TRIP11: variants seen among roughly 807,000 people sequenced by gnomAD.
TRIP11 encodes the protein thyroid receptor-interacting protein 11.
A neutral mutation model predicts 223.1 loss-of-function variants in TRIP11; 148 were observed. The ratio of observed to expected loss-of-function variants is 0.66; its 90% CI spans 0.58 to 0.76. The LOEUF is 0.76. Among genes scored for constraint, TRIP11 ranks in the 30% least tolerant of loss-of-function variants. The pLI, the probability that TRIP11 is intolerant of heterozygous loss-of-function variation, is 0.00. For synonymous variants in TRIP11, 762 were observed against 772.6 expected (o/e 0.99, Z 0.23); for missense variants, 2,043 against 2,222.0 (o/e 0.92, Z 1.62).
At chr14:91,993,301 A>AC (rs2056703358) in intron 15 of TRIP11, among the ~76,000 whole-genome samples, 2 of 151,944 alleles carry the variant, frequency 1.3e-5, no homozygotes, top group South Asian at 4.2e-4. Context: ...ACATGGTGAA[A>AC]CCCCATCTCT....
chr14:92,017,147 C>T (rs1224525953), intron 5 of TRIP11, among the ~76,000 whole-genome samples: 5 of 151,742 alleles, frequency 3.3e-5, no homozygotes, highest in Non-Finnish European at 5.9e-5. Flanking sequence ...TAGAGACTTA[C>T]GAAAGATAAG....
At position 92,014,438 on chromosome 14, in the gene TRIP11, T is replaced by C. The variant is rs2057010917; in HGVS notation, c.963A>G (p.Lys321=). 1 of 1,604,746 alleles carries C rather than the reference T, an allele frequency of 6.2e-7. No individual in the cohort carries two copies. The highest frequency in any genetic ancestry group is 8.5e-7 in the Non-Finnish European group (1 of 1,176,034). Residue 321 remains lysine (K), a synonymous_variant, in exon 7 of 21, where the codon AAA becomes AAG. Coordinates refer to ENST00000267622, the MANE Select transcript of TRIP11 (RefSeq NM_004239.4). ...LEDKIKDINK[K]LSSAENDRDI... ...CTCTGTCATTTTCTGCAGAAGATAA[T>C]TTTTTATTTATATCTTTTATTTTAT...
intron 16 of TRIP11, among the ~76,000 whole-genome samples, chr14:91,985,628 C>T (rs976266220): frequency 6.6e-6 from 1 of 152,206 alleles, no homozygotes; most frequent in Non-Finnish European, 1.5e-5. Flanking sequence ...CATTAGTCTA[C>T]AGATGCTTAG....
chr14:91,975,023 T>C (rs2056446444), intron 18 of TRIP11, 149 bp downstream of exon 18: 1 of 775,442 alleles, frequency 1.3e-6, no homozygotes, highest in Non-Finnish European at 2.2e-6. Flanking sequence ...TGAACAAATC[T>C]GCCTCTTCAA....
chr14:92,030,124 G>A (rs1021925363), intron 2 of TRIP11, among the ~76,000 whole-genome samples: 2 of 150,386 alleles, frequency 1.3e-5, no homozygotes, highest in Non-Finnish European at 3.0e-5. Context: ...GTGAACCCGG[G>A]AGGCGGAGCT....
intron 2 of TRIP11, among the ~76,000 whole-genome samples, chr14:92,031,365 A>G (rs1467291747): frequency 6.6e-6 from 1 of 152,098 alleles, no homozygotes; most frequent in Non-Finnish European, 1.5e-5. Context: ...TCAGCCTCCC[A>G]AAGTGCTGGG....
Position 92,006,315 on chromosome 14 carries a change from G to A in TRIP11, c.1661C>T (p.Thr554Ile), listed in dbSNP as rs898911645. Residue 554 changes from threonine to isoleucine, a missense_variant, in exon 11 of 21, where the codon ACT becomes ATT. Transcript: ENST00000267622. ...TTCTTTCTGTACATCTAACTCTTTA[G>A]TAATGTCCATTTTATCATCTTCAAG... Reference protein sequence around the residue: ...HQLEDDKMDITKELDVQKEKL... With the variant: ...HQLEDDKMDIIKELDVQKEKL... The A allele has an allele frequency of 6.2e-7, 1 of 1,610,622 alleles. No individual in the cohort carries two copies. The highest frequency in any genetic ancestry group is 8.5e-7 in the Non-Finnish European group (1 of 1,178,726).
chr14:91,988,518 C>T lies in TRIP11; in HGVS notation c.5161-135G>A, dbSNP rs185097627. The stretch of plus-strand genomic sequence containing the variant: ...CCTCTATGACCTTGGGCAAATGTAT[C>T]CAACCAATAAGTATCAAAGGCAGAA... On this transcript the variant is annotated intron_variant, in intron 15 of 20. Transcript: ENST00000267622. 2.7e-4 allele frequency: 194 copies of T among 707,988 alleles called. 1 individual carries two copies. Among genetic ancestry groups the T allele is most frequent in the African/African-American group, 2.1e-3 (116 of 55,830 alleles). 43.9% of individuals were successfully genotyped at this position (707,988 alleles called of 1,614,324 possible). A position where few individuals can be genotyped will look rare whatever the true frequency, so the allele number is the denominator to read the frequency against.
At chr14:92,019,857 T>C (rs2057087574) in intron 4 of TRIP11, among the ~76,000 whole-genome samples, 1 of 152,214 alleles carries the variant, frequency 6.6e-6, no homozygotes, top group Non-Finnish European at 1.5e-5. Flanking sequence ...TAAAATAGTG[T>C]ATAAAATTAC....
chr14:92,026,420 C>T (rs1446573488), intron 2 of TRIP11: 26 of 602,076 alleles, frequency 4.3e-5, no homozygotes, highest in African/African-American at 2.3e-4. Flanking sequence ...CATAATGGGG[C>T]GCCCCACTGG....
intron 3 of TRIP11, among the ~76,000 whole-genome samples, chr14:92,025,053 ACTTTTT>A (rs1459296081): frequency 2.6e-5 from 4 of 152,154 alleles, no homozygotes; most frequent in Non-Finnish European, 5.9e-5. Context: ...TTATACAAAA[ACTTTTT>A]CTTCTTCTTT....
At position 92,006,264 on chromosome 14, in the gene TRIP11, A is replaced by G; in HGVS notation, c.1712T>C (p.Leu571Pro). 6.2e-7 allele frequency: 1 copy of G among 1,612,256 alleles called. No homozygotes were observed. The highest frequency in any genetic ancestry group is 8.5e-7 in the Non-Finnish European group (1 of 1,179,420). The change falls in exon 11 of 21, where the codon CTA becomes CCA. Residue 571 changes from leucine (L) to proline (P), a missense_variant. Transcript: ENST00000267622. ...CTGCTTGGTTAAATGTAAATCATTT[A>G]GGGCCACTTCACTTTGAATTAGCTT... ...KEKLIQSEVA[L>P]NDLHLTKQKL...
At chr14:92,018,982 A>C (rs1053152528) in intron 4 of TRIP11, among the ~76,000 whole-genome samples, 4 of 151,474 alleles carry the variant, frequency 2.6e-5, no homozygotes, top group African/African-American at 7.3e-5. Context: ...AAAAAAACAA[A>C]AAAAAAACTT....
rs1199047234 is a variant in TRIP11 at position 92,004,638 on chromosome 14, C to T, written c.3338G>A (p.Ser1113Asn). Residue 1113 changes from serine (S) to asparagine (N), a missense_variant, in exon 11 of 21, where the codon AGC becomes AAC. Ser to Asn is a conservative substitution (Grantham distance 46). Transcript: ENST00000267622. ...TTTGTGATATTCTGTTTTTAGATGG[C>T]TATTTTCCCTAGTCTTCTCATTCAA... ...AVLNEKTREN[S>N]HLKTEYHKMM... The T allele has an allele frequency of 6.2e-7, 1 of 1,614,086 alleles. No homozygotes were observed. Among genetic ancestry groups the T allele is most frequent in the Non-Finnish European group, 8.5e-7 (1 of 1,180,000 alleles).
chr14:92,004,732 G>C lies in TRIP11; in HGVS notation c.3244C>G (p.Gln1082Glu). ...HARISSTSHT[Q>E]DVVYLQQQLQ... is the part of the protein sequence containing the mutation. ...TGCTGTTGAAGGTAAACAACATCTT[G>C]AGTATGGGAAGTTGAAGAAATTCTA... is the stretch of plus-strand genomic sequence containing the variant. Residue 1082 changes from glutamine (Q) to glutamate (E), a missense_variant, in exon 11 of 21, where the codon CAA becomes GAA. Gln to Glu is a conservative substitution (Grantham distance 29). Coordinates refer to ENST00000267622, the MANE Select transcript of TRIP11 (RefSeq NM_004239.4). 1.9e-6 allele frequency: 3 copies of C among 1,614,110 alleles called. No individual in the cohort carries two copies. The highest frequency in any genetic ancestry group is 2.5e-6 in the Non-Finnish European group (3 of 1,180,008).
At chr14:92,028,930 A>C (rs2140144227) in intron 2 of TRIP11, among the ~76,000 whole-genome samples, 1 of 152,324 alleles carries the variant, frequency 6.6e-6, no homozygotes, top group Non-Finnish European at 1.5e-5. Context: ...ACTATTCGTA[A>C]AACTTGATAT....
intron 8 of TRIP11, 34 bp from the exon 9 acceptor site, chr14:92,011,106 C>T (rs377073241): frequency 1.3e-6 from 2 of 1,595,932 alleles, no homozygotes; most frequent in Non-Finnish European, 1.7e-6. Flanking sequence ...TTTCAGGTAA[C>T]AAGAAATTTC....
intron 16 of TRIP11, among the ~76,000 whole-genome samples, chr14:91,982,206 A>C (rs567962794): frequency 6.6e-6 from 1 of 152,280 alleles, no homozygotes; most frequent in Non-Finnish European, 1.5e-5. Context: ...ATTTTTCCTC[A>C]CCATTCTCTT....
At chr14:91,980,990 T>TTATATATATATATATATA (rs200939525) in intron 16 of TRIP11, among the ~76,000 whole-genome samples, 7 of 75,352 alleles carry the variant, frequency 9.3e-5, no homozygotes, top group African/African-American at 3.6e-4. Flanking sequence ...TATATGTATA[T>TTATATATATATATATATA]TATATATATA....
Sources: gnomAD v4.1 joint callset for allele counts (sites outside exome capture counted in the v4.1 genomes callset) on GRCh38, gnomAD v4.1.1 for gene constraint, MANE v1.5 for transcripts, NCBI Gene and HGNC (gene_info 2026-07-23, HGNC 2026-07-21) for gene names.